The following PDE8B variants were observed in gnomAD, a reference collection of about 807,000 sequenced individuals.
PDE8B encodes the protein phosphodiesterase 8B, also known as high affinity cAMP-specific and IBMX-insensitive 3',5'-cyclic phosphodiesterase 8B.
PDE8B carries 26 observed loss-of-function variants against 101.3 expected under a neutral mutation model. That is an observed-to-expected ratio of 0.26 (90% CI 0.19 to 0.36). PDE8B has a LOEUF of 0.36. Among genes scored for constraint, PDE8B ranks in the 10% least tolerant of loss-of-function variants. The pLI is 1.00. For missense variants in PDE8B, 810 were observed against 1,163.1 expected, an observed-to-expected ratio of 0.70 and a Z score of 4.42; for synonymous variants, 424 against 429.3, an observed-to-expected ratio of 0.99 and a Z score of 0.15.
intron 2 of PDE8B, among the ~76,000 whole-genome samples, chr5:77,323,651 A>G (rs1187755940): frequency 1.3e-5 from 2 of 152,120 alleles, no homozygotes; most frequent in Non-Finnish European, 2.9e-5. Context: ...ATATACTTCC[A>G]ATTTTCAATT....
chr5:77,244,808 T>G (rs1293580082), intron 1 of PDE8B, among the ~76,000 whole-genome samples: 1 of 150,800 alleles, frequency 6.6e-6, no homozygotes, highest in African/African-American at 2.4e-5. Flanking sequence ...CAACCAAGAC[T>G]GGCTGGCTCC....
chr5:77,227,681 A>G (rs574409951), intron 1 of PDE8B, among the ~76,000 whole-genome samples: 10 of 152,176 alleles, frequency 6.6e-5, no homozygotes, highest in Non-Finnish European at 1.2e-4. Context: ...AGAATGGAAG[A>G]CAGAGTTGGT....
At chr5:77,100,822 C>T in the PDE8B span, among the ~76,000 whole-genome samples, 1 of 152,060 alleles carries the variant, frequency 6.6e-6, no homozygotes, top group Non-Finnish European at 1.5e-5. Context: ...GTTCAGACAT[C>T]CACACAAGTT....
chr5:77,354,882 T>A (rs996091925), intron 10 of PDE8B, among the ~76,000 whole-genome samples: 2 of 152,214 alleles, frequency 1.3e-5, no homozygotes, highest in East Asian at 3.8e-4. Context: ...AAGTATCACC[T>A]TCTTTCTGAA....
At chr5:77,323,900 A>G (rs1300205539) in intron 2 of PDE8B, among the ~76,000 whole-genome samples, 2 of 152,190 alleles carry the variant, frequency 1.3e-5, no homozygotes, top group Non-Finnish European at 1.5e-5. Context: ...TGGAGGTTGC[A>G]GTGAGCCGAG....
chr5:77,180,858 G>T, the PDE8B span, among the ~76,000 whole-genome samples: 1 of 152,198 alleles, frequency 6.6e-6, no homozygotes, highest in Non-Finnish European at 1.5e-5. Flanking sequence ...CGCTTCCCCG[G>T]CGCGGGACGG....
chr5:77,291,561 T>C, intron 1 of PDE8B: 1 of 1,600,124 alleles, frequency 6.2e-7, no homozygotes, highest in Non-Finnish European at 8.6e-7. Flanking sequence ...AAGTAGCAAC[T>C]TTACCAAAGA....
the PDE8B span, among the ~76,000 whole-genome samples, chr5:77,099,649 T>C: frequency 6.6e-6 from 1 of 151,930 alleles, no homozygotes; most frequent in Non-Finnish European, 1.5e-5. Flanking sequence ...TCTTACTCTG[T>C]CACCCAGGCT....
At chr5:77,367,070 C>T (rs118069672) in intron 10 of PDE8B, among the ~76,000 whole-genome samples, 161 of 152,190 alleles carry the variant, frequency 1.1e-3, no homozygotes, top group East Asian at 0.01. Context: ...GAAAATGGAC[C>T]TTTCAAAAAT....
chr5:77,302,292 C>A (rs1770133000), intron 1 of PDE8B, among the ~76,000 whole-genome samples: 1 of 152,166 alleles, frequency 6.6e-6, no homozygotes, highest in Non-Finnish European at 1.5e-5. Flanking sequence ...GATGTAGCAT[C>A]CCCCCTCCAC....
At chr5:77,086,797 A>C in the PDE8B span, 1 of 152,318 alleles carries the variant, frequency 6.6e-6, no homozygotes. Flanking sequence ...GTAATCAGAC[A>C]ACTTTAATAA....
chr5:77,243,544 C>A (rs563135498), intron 1 of PDE8B, among the ~76,000 whole-genome samples: 58 of 152,260 alleles, frequency 3.8e-4, no homozygotes, highest in African/African-American at 1.2e-3. Context: ...AACCACAGAT[C>A]CTCTTTCTGT....
chr5:77,145,081 A>T, the PDE8B span: 1 of 151,946 alleles, frequency 6.6e-6, no homozygotes, highest in Non-Finnish European at 1.5e-5. Flanking sequence ...TCCTAAATAT[A>T]TGTAATATAT....
intron 12 of PDE8B, among the ~76,000 whole-genome samples, chr5:77,405,141 C>T (rs1462990396): frequency 1.3e-5 from 2 of 152,224 alleles, no homozygotes; most frequent in African/African-American, 2.4e-5. Context: ...GGCTTCCCAA[C>T]TCCCAACACA....
intron 1 of PDE8B, chr5:77,291,650 G>C: frequency 6.3e-7 from 1 of 1,596,454 alleles, no homozygotes; most frequent in East Asian, 2.2e-5. Context: ...CAACAAGTGG[G>C]GCTGAGATTG....
chr5:77,243,522 C>T (rs891621811), intron 1 of PDE8B, among the ~76,000 whole-genome samples: 7 of 152,166 alleles, frequency 4.6e-5, no homozygotes, highest in African/African-American at 1.2e-4. Flanking sequence ...GCTCCCACTC[C>T]CAGACCCAGA....
At chr5:77,362,349 C>A (rs562062413) in intron 10 of PDE8B, among the ~76,000 whole-genome samples, 2 of 152,234 alleles carry the variant, frequency 1.3e-5, no homozygotes, top group South Asian at 4.1e-4. Flanking sequence ...ATAAGAACAG[C>A]CCATCCCTTC....
chr5:77,183,693 G>T, the PDE8B span, among the ~76,000 whole-genome samples: 1 of 152,078 alleles, frequency 6.6e-6, no homozygotes, highest in African/African-American at 2.4e-5. Flanking sequence ...CATGATCTGG[G>T]TGTCTTTTCA....
intron 1 of PDE8B, among the ~76,000 whole-genome samples, chr5:77,254,282 A>G (rs1251770353): frequency 6.6e-6 from 1 of 152,052 alleles, no homozygotes; most frequent in African/African-American, 2.4e-5. Flanking sequence ...GTAGATATGC[A>G]TTATGCTCGG....
Sources: gnomAD v4.1 joint callset for allele counts (sites outside exome capture counted in the v4.1 genomes callset) on GRCh38, gnomAD v4.1.1 for gene constraint, MANE v1.5 for transcripts, NCBI Gene and HGNC (gene_info 2026-07-23, HGNC 2026-07-21) for gene names.